Variants in ADAM10 observed in about 807,000 individuals in gnomAD.
ADAM10 encodes the protein ADAM metallopeptidase domain 10.
ADAM10 carries 17 observed loss-of-function variants against 90.1 expected under a neutral mutation model. The ratio of observed to expected loss-of-function variants is 0.19; its 90% CI spans 0.13 to 0.28. The LOEUF is 0.28. Ranked by LOEUF, ADAM10 falls within the 10% of genes least tolerant of loss-of-function variation. The pLI, the probability that ADAM10 is intolerant of heterozygous loss-of-function variation, is 1.00. For missense variants in ADAM10, 610 were observed against 914.3 expected (o/e 0.67, Z 4.29); for synonymous variants, 310 against 298.6 (o/e 1.04, Z -0.40).
chr15:58,637,194 T>C (rs191076441), intron 8 of ADAM10, among the ~76,000 whole-genome samples: 20 of 152,304 alleles, frequency 1.3e-4, no homozygotes, highest in African/African-American at 4.1e-4. Context: ...ACATCTAATC[T>C]AAAGAAAACA....
chr15:58,731,381 GGC>G (rs1419487943), intron 1 of ADAM10, among the ~76,000 whole-genome samples: 4 of 152,080 alleles, frequency 2.6e-5, no homozygotes, highest in East Asian at 1.9e-4. Flanking sequence ...CACTTTGGGG[GGC>G]CGAGGCGGGC....
intron 1 of ADAM10, among the ~76,000 whole-genome samples, chr15:58,739,848 C>G (rs1348097937): frequency 1.3e-5 from 2 of 152,156 alleles, no homozygotes; most frequent in Non-Finnish European, 2.9e-5. Flanking sequence ...TAGCTGACAG[C>G]CAGTACCATG....
intron 8 of ADAM10, among the ~76,000 whole-genome samples, chr15:58,636,599 GTAAT>G (rs761003782): frequency 3.9e-5 from 6 of 152,098 alleles, no homozygotes. Context: ...CGGGTCAAAA[GTAAT>G]TATTGATGAA....
At chr15:58,703,301 A>C (rs1347887807) in intron 2 of ADAM10, among the ~76,000 whole-genome samples, 1 of 151,696 alleles carries the variant, frequency 6.6e-6, no homozygotes, top group Non-Finnish European at 1.5e-5. Context: ...CAAAAAAAAA[A>C]AAAAAAAAAA....
chr15:58,745,368 T>C (rs1008568468), intron 1 of ADAM10, among the ~76,000 whole-genome samples: 1 of 152,198 alleles, frequency 6.6e-6, no homozygotes, highest in African/African-American at 2.4e-5. Flanking sequence ...TTTTTATTAA[T>C]ATGACCCTCA....
chr15:58,626,236 C>G (rs1439502807), intron 10 of ADAM10, among the ~76,000 whole-genome samples: 8 of 151,918 alleles, frequency 5.3e-5, no homozygotes, highest in African/African-American at 1.2e-4. Context: ...TACAGTCTTG[C>G]AAGGCATTAC....
Position 58,611,082 on chromosome 15 carries a change from T to G in ADAM10, c.1721A>C (p.Lys574Thr). ...NGQCAGSICE[K>T]YGLEECTCAS... is the part of the protein sequence containing the mutation. ...ACACGTACACTCCTCTAAGCCATAT[T>G]TCTCACAGATAGAACCTGCACATTG... is the stretch of plus-strand genomic sequence containing the variant. The change falls in exon 13 of 16, where the codon AAA becomes ACA. Residue 574 changes from lysine (K) to threonine (T), a missense_variant. Physicochemically the swap from Lys to Thr is moderately conservative, Grantham distance 78. Transcript: ENST00000260408. The G allele has an allele frequency of 6.2e-7, 1 of 1,613,848 alleles. No homozygotes were observed. The highest frequency in any genetic ancestry group is 8.5e-7 in the Non-Finnish European group (1 of 1,179,762).
chr15:58,689,745 AC>A (rs2140768743), intron 2 of ADAM10, among the ~76,000 whole-genome samples: 1 of 152,218 alleles, frequency 6.6e-6, no homozygotes, highest in Admixed American at 6.5e-5. Context: ...AATTATGAAA[AC>A]TATCACAAAA....
rs140456589 is a variant in ADAM10, at chr15:58,685,841, G to A, written c.207-3527C>T. Among the ~76,000 whole-genome samples, 1,286 of 151,958 alleles carry A rather than the reference G, an allele frequency of 8.5e-3. 21 individuals are homozygous for A. Among genetic ancestry groups the A allele is most frequent in the African/African-American group, 0.03 (1,225 of 41,468 alleles). On this transcript the variant is annotated intron_variant, in intron 2 of 15. Coordinates refer to ENST00000260408, the MANE Select transcript of ADAM10 (RefSeq NM_001110.4). ...AATGTAAGTTAAAATAACATCTTAA[G>A]ACACAAAACAAAAACTACTGCTCTT...
chr15:58,610,297 C>G lies in ADAM10; in HGVS notation c.2025G>C (p.Val675=). 3 of 1,613,334 alleles carry G rather than the reference C, an allele frequency of 1.9e-6. No homozygotes were observed. In the South Asian group the frequency reaches 3.3e-5, roughly 18 times the overall value. The change falls in exon 14 of 16, where the codon GTG becomes GTC. Residue 675 remains valine (V), a splice_region_variant and synonymous_variant. Coordinates refer to ENST00000260408, the MANE Select transcript of ADAM10 (RefSeq NM_001110.4). ...ELYENIAEWI[V]AHWWAVLLMG... ...CTTTGTAAATAAAAAACATACTTAC[C>G]ACAATCCATTCAGCAATGTTTTCAT...
chr15:58,611,768 T>C (rs1447810075), intron 12 of ADAM10, 40 bp downstream of exon 12: 5 of 1,594,786 alleles, frequency 3.1e-6, no homozygotes, highest in Non-Finnish European at 8.6e-7. Flanking sequence ...AAAACAAGTT[T>C]TCTAAAATTA....
At chr15:58,663,622 T>C (rs1459487526) in intron 5 of ADAM10, among the ~76,000 whole-genome samples, 2 of 152,176 alleles carry the variant, frequency 1.3e-5, no homozygotes, top group Non-Finnish European at 2.9e-5. Flanking sequence ...TGGACTACCA[T>C]TGAATCTACA....
intron 2 of ADAM10, chr15:58,686,290 A>G: frequency 1.7e-6 from 1 of 587,680 alleles, no homozygotes; most frequent in Non-Finnish European, 3.0e-6. Flanking sequence ...TTTAATAGAG[A>G]ACCCAGAAAA....
At chr15:58,634,815 A>ATT (rs748704711) in intron 8 of ADAM10, among the ~76,000 whole-genome samples, 7 of 152,164 alleles carry the variant, frequency 4.6e-5, no homozygotes, top group Non-Finnish European at 1.0e-4. Context: ...TTACTAAACC[A>ATT]TTTAAAAAAA....
intron 5 of ADAM10, among the ~76,000 whole-genome samples, chr15:58,653,487 G>A (rs1260006434): frequency 6.6e-6 from 1 of 152,040 alleles, no homozygotes; most frequent in Non-Finnish European, 1.5e-5. Flanking sequence ...TATAAGTTTT[G>A]TCCTTCATTC....
chr15:58,722,879 G>A (rs558340847), intron 1 of ADAM10, among the ~76,000 whole-genome samples: 8 of 151,778 alleles, frequency 5.3e-5, no homozygotes, highest in South Asian at 2.1e-4. Flanking sequence ...CTACAGGCAC[G>A]CACCACTATG....
At position 58,590,245 on chromosome 15, in the gene ADAM10, T is replaced by G. The variant is rs1462613139; in HGVS notation, c.*7302A>C. On this transcript the variant is annotated 3_prime_UTR_variant, in exon 16 of 16. Coordinates refer to ENST00000260408, the MANE Select transcript of ADAM10 (RefSeq NM_001110.4). Reference sequence around the variant, plus strand: ...CTCCTTTCTCAGTCCTATCTCTGCATGATCAGCTCTTGGATCACCAAAAAC... The same window carrying G: ...CTCCTTTCTCAGTCCTATCTCTGCAGGATCAGCTCTTGGATCACCAAAAAC... 1 of 152,224 alleles carries G rather than the reference T, an allele frequency of 6.6e-6. No individual in the cohort carries two copies. The highest frequency in any genetic ancestry group is 1.9e-4 in the East Asian group (1 of 5,188). The allele number at this position is 152,224 out of a possible 1,614,324, so 9.4% of individuals were successfully genotyped here. A position where few individuals can be genotyped will look rare whatever the true frequency, so the allele number is the denominator to read the frequency against.
chr15:58,678,409 C>A (rs1330998895), intron 4 of ADAM10, among the ~76,000 whole-genome samples: 2 of 151,752 alleles, frequency 1.3e-5, no homozygotes, highest in Non-Finnish European at 2.9e-5. Context: ...GGAAAGCAGG[C>A]AAAAATTGAG....
intron 14 of ADAM10, among the ~76,000 whole-genome samples, chr15:58,608,938 G>A (rs754546644): frequency 8.6e-5 from 13 of 151,776 alleles, no homozygotes; most frequent in Non-Finnish European, 1.5e-4. Context: ...ATCTCCTTTC[G>A]TTTTCTGTAT....
Sources: gnomAD v4.1 joint callset for allele counts (sites outside exome capture counted in the v4.1 genomes callset) on GRCh38, gnomAD v4.1.1 for gene constraint, MANE v1.5 for transcripts, NCBI Gene and HGNC (gene_info 2026-07-23, HGNC 2026-07-21) for gene names.